The following DUSP11 variants were observed in gnomAD, a reference collection of about 807,000 sequenced individuals.
DUSP11 encodes dual specificity phosphatase 11, also known as RNA/RNP complex-1-interacting phosphatase.
A neutral mutation model predicts 41.4 loss-of-function variants in DUSP11; 27 were observed. The ratio of observed to expected loss-of-function variants is 0.65; its 90% CI spans 0.48 to 0.90. DUSP11 has a LOEUF of 0.90. Among genes scored for constraint, DUSP11 ranks in the 40% least tolerant of loss-of-function variants. The pLI is 0.00. For synonymous variants in DUSP11, 188 were observed against 159.3 expected, an observed-to-expected ratio of 1.18 and a Z score of -1.35; for missense variants, 465 against 461.1, an observed-to-expected ratio of 1.01 and a Z score of -0.08.
chr2:73,776,869 A>C (rs1672699696), intron 2 of DUSP11, among the ~76,000 whole-genome samples: 1 of 152,226 alleles, frequency 6.6e-6, no homozygotes, highest in East Asian at 1.9e-4. Context: ...ATTGTTGTGA[A>C]ATGTGTTAAT....
exon 3 of DUSP11, chr2:73,775,012 G>A: frequency 1.2e-6 from 2 of 1,611,998 alleles, no homozygotes; most frequent in Non-Finnish European, 8.5e-7. Context: ...AAGGGGAAAA[G>A]CATTCTTCTG....
exon 1 of DUSP11, chr2:73,779,955 G>T (rs755463140): frequency 1.2e-6 from 2 of 1,614,144 alleles, no homozygotes; most frequent in African/African-American, 1.3e-5. Context: ...GCCACTGCGG[G>T]GATGATGCCA....
At chr2:73,768,351 G>C (rs1184770428) in intron 5 of DUSP11, 1 of 565,266 alleles carries the variant, frequency 1.8e-6, no homozygotes, top group Non-Finnish European at 2.2e-6. Context: ...TAGACTGTTA[G>C]GACGCACAAA....
chr2:73,765,518 T>C (rs1380746167), intron 8 of DUSP11, among the ~76,000 whole-genome samples: 3 of 152,116 alleles, frequency 2.0e-5, no homozygotes, highest in Non-Finnish European at 2.9e-5. Flanking sequence ...CATAAGCTGA[T>C]ACCCCGAATA....
chr2:73,763,859 T>C (rs1197127004), intron 8 of DUSP11, among the ~76,000 whole-genome samples: 1 of 152,194 alleles, frequency 6.6e-6, no homozygotes, highest in East Asian at 1.9e-4. Context: ...TTTCTGACTG[T>C]TGAATCACAG....
rs1471700439 is a variant in DUSP11 at position 73,767,061 on chromosome 2, G to A, written c.682+100C>T. 1.3e-5 allele frequency: 18 copies of A among 1,345,322 alleles called. 1 individual carries two copies. The highest frequency in any genetic ancestry group is 7.3e-5 in the South Asian group (6 of 82,100). The allele number at this position is 1,345,322 out of a possible 1,614,324, so 83.3% of individuals were successfully genotyped here. A position where few individuals can be genotyped will look rare whatever the true frequency, so the allele number is the denominator to read the frequency against. ...AAGACTATCTTATATTGGAACAAAC[G>A]AATTACAAACTTCTTTTTTTCCAAA... On this transcript the variant is annotated intron_variant, in intron 6 of 8. Transcript: ENST00000272444.
At chr2:73,770,755 C>T (rs1191351072) in intron 4 of DUSP11, among the ~76,000 whole-genome samples, 3 of 152,130 alleles carry the variant, frequency 2.0e-5, no homozygotes, top group Non-Finnish European at 4.4e-5. Flanking sequence ...GTCTTTCCAA[C>T]CGATCTAAGT....
intron 8 of DUSP11, among the ~76,000 whole-genome samples, chr2:73,765,179 C>T (rs375660298): frequency 4.1e-4 from 63 of 151,986 alleles, no homozygotes; most frequent in Non-Finnish European, 6.5e-4. Context: ...CCTCAGTTTG[C>T]GTAGGTACCA....
chr2:73,769,448 A>G, intron 4 of DUSP11, 123 bp from the exon 5 acceptor site: 2 of 737,012 alleles, frequency 2.7e-6, no homozygotes. Flanking sequence ...TACTATAAAG[A>G]ATCATCTAAC....
exon 1 of DUSP11, chr2:73,780,052 A>C: frequency 1.2e-6 from 2 of 1,611,792 alleles, no homozygotes; most frequent in Non-Finnish European, 1.7e-6. Context: ...CCAGGATAAG[A>C]CCCTAAACAG....
intron 2 of DUSP11, 24 bp downstream of exon 2, chr2:73,778,277 A>C (rs752337805): frequency 6.5e-7 from 1 of 1,536,538 alleles, no homozygotes. Context: ...TGCCTGAAAG[A>C]ATACTGAATT....
intron 8 of DUSP11, 83 bp from the exon 9 acceptor site, chr2:73,762,942 A>G (rs1425382354): frequency 1.8e-6 from 1 of 559,114 alleles, no homozygotes; most frequent in Non-Finnish European, 2.6e-6. Flanking sequence ...ATTTTCATAA[A>G]ATATTTTAAA....
At chr2:73,769,419 A>G in intron 4 of DUSP11, 94 bp from the exon 5 acceptor site, 1 of 963,832 alleles carries the variant, frequency 1.0e-6, no homozygotes, top group Non-Finnish European at 1.6e-6. Context: ...CTTAAGAGGA[A>G]TTGTTTTTTC....
chr2:73,769,155 CT>C, intron 5 of DUSP11, 109 bp downstream of exon 5: 1 of 858,166 alleles, frequency 1.2e-6, no homozygotes. Context: ...GCAAGACTGC[CT>C]TCTACTTCAT....
At chr2:73,762,414 T>G (rs1672382970) in exon 9 of DUSP11, 1 of 294,342 alleles carries the variant, frequency 3.4e-6, no homozygotes, top group Non-Finnish European at 6.2e-6. Context: ...TTCTCAATGC[T>G]TCAGTTCTAA....
chr2:73,774,426 C>T (rs545696025), intron 3 of DUSP11, among the ~76,000 whole-genome samples: 1 of 152,210 alleles, frequency 6.6e-6, no homozygotes, highest in Admixed American at 6.5e-5. Flanking sequence ...TAACCATCCA[C>T]AAGTGTATAG....
chr2:73,775,094 T>C (rs373471254), intron 2 of DUSP11, 50 bp from the exon 3 acceptor site: 1 of 1,516,704 alleles, frequency 6.6e-7, no homozygotes, highest in Non-Finnish European at 8.9e-7. Context: ...AATCCTGTAC[T>C]ACATTAGGCA....
intron 1 of DUSP11, among the ~76,000 whole-genome samples, chr2:73,778,884 C>T (rs1001081248): frequency 6.6e-6 from 1 of 152,078 alleles, no homozygotes; most frequent in African/African-American, 2.4e-5. Context: ...CGGTGGCTCA[C>T]GTCTGTTAAT....
chr2:73,780,046 G>T, exon 1 of DUSP11: 1 of 1,612,814 alleles, frequency 6.2e-7, no homozygotes, highest in Non-Finnish European at 8.5e-7. Context: ...TCAATGCCAG[G>T]ATAAGACCCT....
Sources: allele counts gnomAD v4.1 joint callset (sites outside exome capture counted in the v4.1 genomes callset), GRCh38; gene constraint gnomAD v4.1.1; transcripts MANE v1.5; gene names NCBI Gene and HGNC (gene_info 2026-07-23, HGNC 2026-07-21).